Variants in SIK3 observed in about 807,000 individuals in gnomAD.
SIK3 encodes the protein serine/threonine-protein kinase SIK3.
In SIK3, 28 loss-of-function variants were observed where a neutral mutation model predicts 144.2. The observed-to-expected ratio is 0.19, with a 90% CI of 0.14 to 0.27. The LOEUF (loss-of-function observed/expected upper bound fraction) is 0.27. SIK3 is among the 10% of genes least tolerant of loss of function. The pLI is 1.00. For missense variants in SIK3, 1,319 were observed against 1,776.0 expected, an observed-to-expected ratio of 0.74 and a Z score of 4.62; for synonymous variants, 686 against 676.3, an observed-to-expected ratio of 1.01 and a Z score of -0.22.
chr11:116,967,003 C>CAAAAAAAAAAAAA (rs780692335), intron 1 of SIK3, among the ~76,000 whole-genome samples: 6 of 100,124 alleles, frequency 6.0e-5, no homozygotes, highest in African/African-American at 2.9e-4. Context: ...GACTCTGTTT[C>CAAAAAAAAAAAAA]AAAAAAAAAA....
chr11:116,988,103 A>C (rs562246496), intron 1 of SIK3, among the ~76,000 whole-genome samples: 2 of 152,224 alleles, frequency 1.3e-5, no homozygotes, highest in Non-Finnish European at 2.9e-5. Context: ...CAAAATAAAG[A>C]GATCCTGGTG....
intron 1 of SIK3, among the ~76,000 whole-genome samples, chr11:117,093,532 G>A (rs1955337662): frequency 6.6e-6 from 1 of 152,068 alleles, no homozygotes; most frequent in South Asian, 2.1e-4. Context: ...TGGACCTCTG[G>A]AGAAAAGACT....
At chr11:117,090,082 C>T (rs1369928550) in intron 1 of SIK3, among the ~76,000 whole-genome samples, 1 of 152,232 alleles carries the variant, frequency 6.6e-6, no homozygotes, top group African/African-American at 2.4e-5. Context: ...CTAATTCATT[C>T]AAGACTGTTG....
At chr11:116,872,878 AAATG>A (rs923427282) in intron 13 of SIK3, among the ~76,000 whole-genome samples, 7 of 152,348 alleles carry the variant, frequency 4.6e-5, no homozygotes, top group Non-Finnish European at 7.3e-5. Flanking sequence ...TTGAATGAAT[AAATG>A]AATGAATGAA....
chr11:116,849,096 G>C lies in SIK3; in HGVS notation c.3819+24C>G. ...GCTGGGACTGGGAGGATCCACCTCT[G>C]TGCAGCAGGTGGGACCAACATACAT... On this transcript the variant is annotated intron_variant, in intron 22 of 24. Transcript: ENST00000445177. The surrounding 1 kb of genome is among the most constrained non-coding windows in gnomAD (Gnocchi z 4.2). 1 of 1,562,054 alleles carries C rather than the reference G, an allele frequency of 6.4e-7. No homozygotes were observed. The highest frequency in any genetic ancestry group is 8.7e-7 in the Non-Finnish European group (1 of 1,149,466).
At chr11:117,034,349 T>G (rs1345944579) in intron 1 of SIK3, among the ~76,000 whole-genome samples, 1 of 152,200 alleles carries the variant, frequency 6.6e-6, no homozygotes, top group Non-Finnish European at 1.5e-5. Context: ...AAGCTGAAAT[T>G]ATGTGAAATC....
intron 1 of SIK3, among the ~76,000 whole-genome samples, chr11:117,069,457 G>A (rs1340036888): frequency 6.6e-6 from 1 of 152,060 alleles, no homozygotes; most frequent in Non-Finnish European, 1.5e-5. Context: ...TGCCCCATCT[G>A]AAGAGAATAA....
At chr11:117,043,299 T>C (rs1406896957) in intron 1 of SIK3, among the ~76,000 whole-genome samples, 2 of 152,216 alleles carry the variant, frequency 1.3e-5, no homozygotes, top group African/African-American at 2.4e-5. Flanking sequence ...AATTCACTTC[T>C]ACTTTTTCCA....
intron 3 of SIK3, among the ~76,000 whole-genome samples, chr11:116,940,543 T>C (rs991733155): frequency 3.9e-5 from 6 of 152,208 alleles, no homozygotes; most frequent in East Asian, 1.9e-4. Flanking sequence ...TTGGGATTTA[T>C]ATATACTCAA....
rs1429077502 is a variant in SIK3 at position 116,847,608 on chromosome 11, C to T, written c.3820G>A (p.Val1274Ile). ...HTIQNSDDAY[V>I]QLDNLPGMSL... ...ATTCCTGGCAAGTTATCCAGCTGTA[C>T]CTGCAGAAAACAGTTAAGAGAAGAA... Residue 1274 changes from valine (V) to isoleucine (I), a missense_variant and splice_region_variant, in exon 23 of 25, where the codon GTA becomes ATA. Physicochemically the swap from Val to Ile is conservative, Grantham distance 29 (BLOSUM62 3). Around this residue, in one of 8 missense-constraint regions of SIK3, gnomAD observed 646 missense variants for 763.7 expected, o/e 0.85. Coordinates refer to ENST00000445177, the MANE Select transcript of SIK3 (RefSeq NM_001366686.3). 1 of 1,614,030 alleles carries T rather than the reference C, an allele frequency of 6.2e-7. No homozygotes were observed. The highest frequency in any genetic ancestry group is 1.3e-5 in the African/African-American group (1 of 74,938).
intron 1 of SIK3, among the ~76,000 whole-genome samples, chr11:117,071,763 G>A (rs57787606): frequency 0.053 from 7,936 of 149,398 alleles, 473 homozygotes; most frequent in African/African-American, 0.14. Context: ...CTACAGATGT[G>A]TGCCACCATG....
intron 1 of SIK3, among the ~76,000 whole-genome samples, chr11:117,058,995 A>G (rs1953679710): frequency 1.3e-5 from 2 of 152,232 alleles, no homozygotes. Context: ...AAGTGATGCC[A>G]GGAAGAATGT....
chr11:116,885,732 T>A (rs1944783341), intron 6 of SIK3, among the ~76,000 whole-genome samples: 1 of 152,234 alleles, frequency 6.6e-6, no homozygotes. Flanking sequence ...TTATTGAGAA[T>A]GAAAATACAA....
chr11:117,047,092 T>C lies in SIK3; in HGVS notation c.273+51051A>G, dbSNP rs552339932. Among the ~76,000 whole-genome samples, 306 of 152,330 alleles carry C rather than the reference T, an allele frequency of 2.0e-3. 1 individual carries two copies. The highest frequency in any genetic ancestry group is 7.2e-3 in the South Asian group (35 of 4,834). On this transcript the variant is annotated intron_variant, in intron 1 of 24. Transcript: ENST00000445177. ...ATTTAATATAACTTTTATCATACTT[T>C]CCTTAATGAAAACATGTATATTATT...
intron 1 of SIK3, among the ~76,000 whole-genome samples, chr11:117,065,976 T>C (rs1362870956): frequency 1.3e-5 from 2 of 152,066 alleles, no homozygotes; most frequent in Non-Finnish European, 2.9e-5. Context: ...CCAATATTTC[T>C]TTATTTATTT....
At chr11:116,917,982 A>G (rs908983071) in intron 4 of SIK3, among the ~76,000 whole-genome samples, 6 of 152,122 alleles carry the variant, frequency 3.9e-5, no homozygotes, top group Non-Finnish European at 8.8e-5. Context: ...ATGCCGATAA[A>G]ATTATTTTTC....
chr11:116,999,517 C>T (rs988703916), intron 1 of SIK3, among the ~76,000 whole-genome samples: 3 of 152,204 alleles, frequency 2.0e-5, no homozygotes, highest in African/African-American at 7.2e-5. Context: ...TGAAGTGCAA[C>T]ATATTCATAT....
At chr11:116,953,335 T>C (rs1949020673) in intron 3 of SIK3, among the ~76,000 whole-genome samples, 2 of 152,190 alleles carry the variant, frequency 1.3e-5, no homozygotes, top group East Asian at 1.9e-4. Flanking sequence ...CTGTAGTTAG[T>C]TGCCAAAAGA....
intron 3 of SIK3, among the ~76,000 whole-genome samples, chr11:116,936,873 G>C (rs1037606808): frequency 6.6e-6 from 1 of 152,092 alleles, no homozygotes; most frequent in African/African-American, 2.4e-5. Flanking sequence ...CTTTGCTCAG[G>C]GTTTTACTTC....
Sources: gnomAD v4.1 joint callset for allele counts (sites outside exome capture counted in the v4.1 genomes callset) on GRCh38, gnomAD v4.1.1 for gene constraint, gnomAD v4.1.1 regional missense constraint, Gnocchi (gnomAD v3.1) non-coding constraint, MANE v1.5 for transcripts, NCBI Gene and HGNC (gene_info 2026-07-23, HGNC 2026-07-21) for gene names.